NECAB2: variants seen among roughly 807,000 people sequenced by gnomAD.
NECAB2 encodes N-terminal EF-hand calcium-binding protein 2.
NECAB2 carries 68 observed loss-of-function variants against 51.9 expected under a neutral mutation model. The observed-to-expected ratio is 1.31, with a 90% CI of 1.08 to 1.60. NECAB2 has a LOEUF of 1.60. NECAB2 is among the 40% of genes most tolerant of loss of function. NECAB2 has a pLI of 0.00. For synonymous variants in NECAB2, 329 were observed against 203.5 expected (o/e 1.62, Z -5.25); for missense variants, 854 against 490.3 (o/e 1.74, Z -7.00).
In NECAB2 at chr16:83,971,909, A is replaced by C. The variant is rs567378264; in HGVS notation, c.202-242A>C. ...GCGTGTGTGTGTCAGCGTGGCTGGG[A>C]GCAGGCTGGTGGTACTGGCAGCCGC... is the stretch of plus-strand genomic sequence containing the variant. On this transcript the variant is annotated intron_variant, in intron 1 of 12. Coordinates refer to ENST00000305202, the MANE Select transcript of NECAB2 (RefSeq NM_019065.3). The C allele has an allele frequency of 2.0e-4, 117 of 599,310 alleles. No individual in the cohort carries two copies. In the East Asian group the frequency reaches 3.3e-3, roughly 17 times the overall value. 37.1% of individuals were successfully genotyped at this position (599,310 alleles called of 1,614,324 possible).
rs2084441538 is a variant in NECAB2 at position 83,978,389 on chromosome 16, C to T, written c.227-55C>T. On this transcript the variant is annotated intron_variant, in intron 2 of 12. Transcript: ENST00000305202. The stretch of plus-strand genomic sequence containing the variant: ...TTTGGGGGCCGTGCATGCACTAGCC[C>T]CACCAGCCTTATCTCTGCAGACACC... 2.0e-6 allele frequency: 3 copies of T among 1,485,078 alleles called. No individual in the cohort carries two copies. The South Asian group carries it at 3.5e-5, about 17-fold the overall frequency. 92.0% of individuals were successfully genotyped at this position (1,485,078 alleles called of 1,614,324 possible). A position where few individuals can be genotyped will look rare whatever the true frequency, so the allele number is the denominator to read the frequency against.
intron 10 of NECAB2, among the ~76,000 whole-genome samples, chr16:83,998,656 CTCAG>C (rs1567679217): frequency 1.3e-5 from 2 of 152,314 alleles, no homozygotes; most frequent in South Asian, 2.1e-4. Flanking sequence ...GCCCCGTGCG[CTCAG>C]TCAGCCTCAG....
At position 83,968,792 on chromosome 16, in the gene NECAB2, C is replaced by A; in HGVS notation, c.144C>A (p.Ala48=). 1 of 1,119,572 alleles carries A rather than the reference C, an allele frequency of 8.9e-7. No individual in the cohort carries two copies. The highest frequency in any genetic ancestry group is 1.1e-6 in the Non-Finnish European group (1 of 917,608). 69.4% of individuals were successfully genotyped at this position (1,119,572 alleles called of 1,614,324 possible). A position where few individuals can be genotyped will look rare whatever the true frequency, so the allele number is the denominator to read the frequency against. The change falls in exon 1 of 13, where the codon GCC becomes GCA. Residue 48 remains alanine (A), a synonymous_variant. Coordinates refer to ENST00000305202, the MANE Select transcript of NECAB2 (RefSeq NM_019065.3). ...AGCCCCGGGAGTCGCTGGCCCCCGCCGCCCCCGCGGACCCCGGCCCAGCCT... is the reference window on the plus strand; with the variant it reads ...AGCCCCGGGAGTCGCTGGCCCCCGCAGCCCCCGCGGACCCCGGCCCAGCCT... ...MGEPRESLAP[A]APADPGPASP...
chr16:83,992,737 C>T (rs986554055), intron 6 of NECAB2, among the ~76,000 whole-genome samples: 4 of 152,174 alleles, frequency 2.6e-5, no homozygotes, highest in Non-Finnish European at 4.4e-5. Flanking sequence ...AATACACATT[C>T]CTGGGCTCCT....
intron 12 of NECAB2, among the ~76,000 whole-genome samples, 171 bp from the exon 13 acceptor site, chr16:84,002,147 C>T (rs1386433946): frequency 6.6e-6 from 1 of 152,214 alleles, no homozygotes; most frequent in Non-Finnish European, 1.5e-5. Flanking sequence ...TCCAGCCAGA[C>T]TGAATTTCCC....
rs551643654 is a variant in NECAB2 at position 84,002,628 on chromosome 16, T to C, written c.*282T>C. ...CTGGTCCTGGCCTCTCCCCTACCCC[T>C]CACATGGCCACGCATGACCCACACT... is the stretch of plus-strand genomic sequence containing the variant. On this transcript the variant is annotated 3_prime_UTR_variant, in exon 13 of 13. Transcript: ENST00000305202. 2.9e-5 allele frequency: 16 copies of C among 544,452 alleles called. No homozygotes were observed. The highest frequency in any genetic ancestry group is 1.3e-4 in the African/African-American group (7 of 52,152). The allele number at this position is 544,452 out of a possible 1,614,324, so 33.7% of individuals were successfully genotyped here.
At chr16:83,992,377 T>TTCCCCCCCC (rs1555548086) in intron 6 of NECAB2, among the ~76,000 whole-genome samples, 4 of 133,044 alleles carry the variant, frequency 3.0e-5, no homozygotes, top group African/African-American at 1.3e-4. Context: ...CGAGCACCCG[T>TTCCCCCCCC]CCCCCCGCCC....
chr16:83,982,031 C>T (rs1002814714), intron 5 of NECAB2, among the ~76,000 whole-genome samples: 68 of 152,206 alleles, frequency 4.5e-4, no homozygotes, highest in African/African-American at 1.5e-3. Flanking sequence ...GAAATGGAGA[C>T]ATCCACCTTA....
At chr16:83,985,972 T>A (rs971696727) in intron 5 of NECAB2, among the ~76,000 whole-genome samples, 1 of 152,226 alleles carries the variant, frequency 6.6e-6, no homozygotes, top group Non-Finnish European at 1.5e-5. Flanking sequence ...TAAAATTATG[T>A]CTCTTCTGCA....
rs753515854 is a variant in NECAB2, at chr16:84,000,704, C to G, written c.963-20C>G. 5 of 1,613,142 alleles carry G rather than the reference C, an allele frequency of 3.1e-6. No individual in the cohort carries two copies. Among genetic ancestry groups the G allele is most frequent in the Non-Finnish European group, 4.2e-6 (5 of 1,179,442 alleles). The stretch of plus-strand genomic sequence containing the variant: ...TTGGTTGAGCTCCAGCCTCCTCCCC[C>G]CGACCATCTCCTGTTGCAGCATCAC... On this transcript the variant is annotated intron_variant, in intron 10 of 12. Coordinates refer to ENST00000305202, the MANE Select transcript of NECAB2 (RefSeq NM_019065.3).
At chr16:83,985,949 A>G (rs1169333536) in intron 5 of NECAB2, among the ~76,000 whole-genome samples, 2 of 152,208 alleles carry the variant, frequency 1.3e-5, no homozygotes, top group African/African-American at 2.4e-5. Flanking sequence ...GCTAAGAGGT[A>G]CTTTTTTAAA....
At chr16:83,993,819 C>T (rs1314733930) in intron 6 of NECAB2, among the ~76,000 whole-genome samples, 1 of 152,132 alleles carries the variant, frequency 6.6e-6, no homozygotes, top group Non-Finnish European at 1.5e-5. Flanking sequence ...TCCCGACTGT[C>T]AGTGTCTCTT....
chr16:83,970,236 C>G (rs756755539), intron 1 of NECAB2, among the ~76,000 whole-genome samples: 1 of 152,110 alleles, frequency 6.6e-6, no homozygotes, highest in Non-Finnish European at 1.5e-5. Context: ...ATGCAGACTC[C>G]TGGAGCTGGC....
intron 6 of NECAB2, among the ~76,000 whole-genome samples, chr16:83,993,191 G>A (rs959468797): frequency 4.6e-5 from 7 of 152,140 alleles, no homozygotes; most frequent in African/African-American, 1.7e-4. Context: ...CTCCCAGGAT[G>A]TCACCTCTAG....
chr16:83,975,023 CAGGTGTGCAGGG>C lies in NECAB2; in HGVS notation c.226+2862_226+2873del, dbSNP rs145259777. ...GTGAACCGGTGTGCAGGGATGAGAG[CAGGTGTGCAGGG>C]AGGTGTGCAGGGATGAGAGCAGGTG... On this transcript the variant is annotated intron_variant, in intron 2 of 12. Transcript: ENST00000305202. 7.0e-3 allele frequency among the ~76,000 whole-genome samples: 689 copies of C among 98,452 alleles called. 1 individual carries two copies. The highest frequency in any genetic ancestry group is 0.029 in the Middle Eastern group (3 of 104). The allele number at this position is 98,452 out of a possible 152,430, so 64.6% of individuals were successfully genotyped here.
At chr16:83,997,086 T>G in intron 8 of NECAB2, 130 bp from the exon 9 acceptor site, 1 of 964,252 alleles carries the variant, frequency 1.0e-6, no homozygotes, top group South Asian at 1.5e-5. Context: ...CTAGCGTTGG[T>G]CTCCCAGCCC....
intron 5 of NECAB2, among the ~76,000 whole-genome samples, chr16:83,982,612 C>A (rs903298302): frequency 2.0e-5 from 3 of 152,180 alleles, no homozygotes; most frequent in African/African-American, 7.2e-5. Flanking sequence ...AAGGGGCCCA[C>A]GTCCTAGCCA....
chr16:83,987,165 A>C (rs1253919733), intron 5 of NECAB2, among the ~76,000 whole-genome samples: 2 of 152,230 alleles, frequency 1.3e-5, no homozygotes, highest in African/African-American at 4.8e-5. Flanking sequence ...AGACTTAGAT[A>C]AACTAGAAAA....
Position 83,968,682 on chromosome 16 carries a change from G to T in NECAB2, c.34G>T (p.Gly12Cys). ...GCGGGCGGCGCGCCTGTGCAGGGCC[G>T]GCGCGCACAGGCTGCTCCGGGAGCC... ...CERAARLCRAGAHRLLREPPQ... is the reference protein window; with the variant it reads ...CERAARLCRACAHRLLREPPQ... The change falls in exon 1 of 13, where the codon GGC becomes TGC. Residue 12 changes from glycine (G) to cysteine (C), a missense_variant. Gly to Cys is a radical substitution (Grantham distance 159). Coordinates refer to ENST00000305202, the MANE Select transcript of NECAB2 (RefSeq NM_019065.3). 1.0e-6 allele frequency: 1 copy of T among 989,384 alleles called. No individual in the cohort carries two copies. Among genetic ancestry groups the T allele is most frequent in the South Asian group, 4.5e-5 (1 of 22,142 alleles). The allele number at this position is 989,384 out of a possible 1,614,324, so 61.3% of individuals were successfully genotyped here.
Sources: allele counts gnomAD v4.1 joint callset (sites outside exome capture counted in the v4.1 genomes callset), GRCh38; gene constraint gnomAD v4.1.1; transcripts MANE v1.5; gene names NCBI Gene and HGNC (gene_info 2026-07-23, HGNC 2026-07-21).